The following ZNF112 variants were observed in gnomAD, a reference collection of about 807,000 sequenced individuals.
The protein encoded by ZNF112 is zinc finger protein 112.
In ZNF112, 37 loss-of-function variants were observed where a neutral mutation model predicts 77.7. The ratio of observed to expected loss-of-function variants is 0.48; its 90% CI spans 0.37 to 0.63. The LOEUF (loss-of-function observed/expected upper bound fraction) is 0.63. ZNF112 is among the 20% of genes least tolerant of loss of function. The pLI, the probability that ZNF112 is intolerant of heterozygous loss-of-function variation, is 0.00. For missense variants in ZNF112, 950 were observed against 1,077.4 expected (o/e 0.88, Z 1.66); for synonymous variants, 333 against 363.6 (o/e 0.92, Z 0.96).
Position 44,329,517 on chromosome 19 carries a change from T to C in ZNF112, c.640A>G (p.Asn214Asp). ...CDSVSWLSHHNDKLEVHRKEN... is the reference protein window; with the variant it reads ...CDSVSWLSHHDDKLEVHRKEN... The stretch of plus-strand genomic sequence containing the variant: ...TTTCTGTGTACTTCCAGTTTATCAT[T>C]GTGATGTGAGAGCCAACTGACACTG... Residue 214 changes from asparagine (N) to aspartate (D), a missense_variant, in exon 4 of 4, where the codon AAT becomes GAT. By Grantham distance (23) the Asn-to-Asp change is conservative. Coordinates refer to ENST00000354340, the MANE Select transcript of ZNF112 (RefSeq NM_013380.4). 1.2e-6 allele frequency: 2 copies of C among 1,614,166 alleles called. No individual in the cohort carries two copies. The highest frequency in any genetic ancestry group is 1.7e-6 in the Non-Finnish European group (2 of 1,180,012).
chr19:44,329,128 A>T lies in ZNF112; in HGVS notation c.1029T>A (p.Tyr343Ter). Residue 343 changes from tyrosine (Y) to a stop codon, truncating the protein, a stop_gained, in exon 4 of 4, where the codon TAT becomes TAA. Transcript: ENST00000354340. LOFTEE classifies it high-confidence loss of function. The stretch of plus-strand genomic sequence containing the variant: ...ACATCTCACCTGTGTGGATAAGTTC[A>T]TAAGTGTTAAGAGGGGAACAGTGAT... ...NFNHCSPLNT[Y>*]ELIHTGEMSY... 6.2e-7 allele frequency: 1 copy of T among 1,613,942 alleles called. No individual in the cohort carries two copies. Among genetic ancestry groups the T allele is most frequent in the Non-Finnish European group, 8.5e-7 (1 of 1,179,980 alleles).
At chr19:44,360,752 T>C (rs1970847949), upstream of ZNF112, among the ~76,000 whole-genome samples, 1 of 152,160 alleles carries the variant, frequency 6.6e-6, no homozygotes, top group Non-Finnish European at 1.5e-5. Context: ...TATTGTGAAA[T>C]AAAACTGAAA....
chr19:44,347,485 A>ACTTTTTTTT (rs1555804139), intron 1 of ZNF112, among the ~76,000 whole-genome samples: 1 of 40,322 alleles, frequency 2.5e-5, no homozygotes, highest in African/African-American at 7.2e-5. Context: ...TTTTGGGTTG[A>ACTTTTTTTT]TTTTTTTTTT....
intron 1 of ZNF112, chr19:44,343,427 A>G: frequency 1.4e-6 from 1 of 737,792 alleles, no homozygotes; most frequent in Non-Finnish European, 2.2e-6. Flanking sequence ...GTTAAGGAGC[A>G]GGTAGCATGG....
chr19:44,341,110 C>A (rs1970481739), intron 1 of ZNF112: 4 of 455,908 alleles, frequency 8.8e-6, no homozygotes, highest in South Asian at 1.6e-5. Context: ...GAAACTTATA[C>A]CATACAGTCC....
At chr19:44,331,081 T>G (rs987951700) in intron 3 of ZNF112, among the ~76,000 whole-genome samples, 1 of 152,248 alleles carries the variant, frequency 6.6e-6, no homozygotes, top group Non-Finnish European at 1.5e-5. Flanking sequence ...CGCTGCCAGC[T>G]GCGCTAAGAG....
chr19:44,332,461 T>C (rs1187784708), intron 3 of ZNF112, among the ~76,000 whole-genome samples: 2 of 152,228 alleles, frequency 1.3e-5, no homozygotes, highest in East Asian at 3.8e-4. Flanking sequence ...TATCATATAA[T>C]GATGAAATGA....
intron 1 of ZNF112, among the ~76,000 whole-genome samples, chr19:44,341,397 A>C (rs1186542788): frequency 2.0e-5 from 3 of 152,220 alleles, no homozygotes; most frequent in Non-Finnish European, 4.4e-5. Flanking sequence ...TCTCCTCAAA[A>C]TAAATACCAA....
intron 1 of ZNF112, among the ~76,000 whole-genome samples, chr19:44,353,504 C>T (rs1970729660): frequency 6.6e-6 from 1 of 151,966 alleles, no homozygotes. Context: ...CAACAAAGGA[C>T]TTATATCCAG....
At chr19:44,346,560 A>C (rs1970593507) in intron 1 of ZNF112, among the ~76,000 whole-genome samples, 1 of 152,154 alleles carries the variant, frequency 6.6e-6, no homozygotes, top group South Asian at 2.1e-4. Context: ...TCAGCATCCC[A>C]CCAAAACTGA....
chr19:44,329,047 A>C lies in ZNF112; in HGVS notation c.1110T>G (p.Ser370Arg). 6.2e-7 allele frequency: 1 copy of C among 1,613,906 alleles called. No homozygotes were observed. The highest frequency in any genetic ancestry group is 1.3e-5 in the African/African-American group (1 of 75,024). The change falls in exon 4 of 4, where the codon AGT (serine) becomes AGG (arginine). Residue 370 changes from serine to arginine, a missense_variant. Physicochemically the swap from Ser to Arg is moderately radical, Grantham distance 110 (BLOSUM62 -1). Transcript: ENST00000354340. Reference protein sequence around the residue: ...KAFSHSLDLNSIFRVHTRDEP... With the variant: ...KAFSHSLDLNRIFRVHTRDEP... ...CATCCCTAGTATGGACCCTAAAAAT[A>C]CTATTAAGGTCTAAGCTATGACTGA...
At position 44,326,647 on chromosome 19, in the gene ZNF112, G is replaced by C. The variant is rs528465069; in HGVS notation, c.*786C>G. 35 of 152,272 alleles carry C rather than the reference G, an allele frequency of 2.3e-4. No individual in the cohort carries two copies. Among genetic ancestry groups the C allele is most frequent in the African/African-American group, 7.9e-4 (33 of 41,562 alleles). 9.4% of individuals were successfully genotyped at this position (152,272 alleles called of 1,614,324 possible). ...CAGTAAAACTCTGCCTTAATTCACA[G>C]GGCAGGAGTAGAAAATCAATTATGT... is the stretch of plus-strand genomic sequence containing the variant. On this transcript the variant is annotated 3_prime_UTR_variant, in exon 4 of 4. Transcript: ENST00000354340.
chr19:44,353,596 T>C (rs192413796), intron 1 of ZNF112, among the ~76,000 whole-genome samples: 27 of 152,012 alleles, frequency 1.8e-4, no homozygotes, highest in African/African-American at 5.3e-4. Context: ...ATACAGACAC[T>C]TCCGCAAAGA....
intron 1 of ZNF112, among the ~76,000 whole-genome samples, chr19:44,342,583 G>A (rs1970509875): frequency 6.6e-6 from 1 of 152,168 alleles, no homozygotes; most frequent in Non-Finnish European, 1.5e-5. Context: ...TTGGGAGGCT[G>A]AGGCACGTAG....
chr19:44,332,204 C>T (rs1340877296), intron 3 of ZNF112, among the ~76,000 whole-genome samples: 1 of 152,028 alleles, frequency 6.6e-6, no homozygotes, highest in Non-Finnish European at 1.5e-5. Context: ...CAAAAAAACC[C>T]AAAATGGTGT....
intron 3 of ZNF112, among the ~76,000 whole-genome samples, chr19:44,332,398 C>G (rs1040097069): frequency 1.3e-5 from 2 of 152,162 alleles, no homozygotes; most frequent in Non-Finnish European, 2.9e-5. Flanking sequence ...AGCACATTTA[C>G]TGATGTCTTT....
At chr19:44,364,161 C>T (rs1176239112) in intron 1 of ZNF112, among the ~76,000 whole-genome samples, 4 of 152,130 alleles carry the variant, frequency 2.6e-5, no homozygotes, top group African/African-American at 9.7e-5. Context: ...CTGCCCACCT[C>T]GGCCTCCCAA....
intron 1 of ZNF112, chr19:44,343,103 G>A (rs1970521485): frequency 5.5e-6 from 4 of 727,292 alleles, no homozygotes; most frequent in Non-Finnish European, 8.6e-6. Context: ...TTTTAGAAAA[G>A]GACAAAAACA....
chr19:44,332,825 T>C (rs534949049), intron 3 of ZNF112, among the ~76,000 whole-genome samples: 1 of 152,218 alleles, frequency 6.6e-6, no homozygotes, highest in African/African-American at 2.4e-5. Context: ...AGAAAAAAAA[T>C]AAAAGGTCAT....
Sources: gnomAD v4.1 joint callset for allele counts (sites outside exome capture counted in the v4.1 genomes callset) on GRCh38, gnomAD v4.1.1 for gene constraint, MANE v1.5 for transcripts, NCBI Gene and HGNC (gene_info 2026-07-23, HGNC 2026-07-21) for gene names.